The following CSMD3 variants were observed in gnomAD, a reference collection of about 807,000 sequenced individuals.
CSMD3 encodes the protein CUB and Sushi multiple domains 3, also known as CUB and sushi domain-containing protein 3.
Under a neutral mutation model 435.2 loss-of-function variants are expected in CSMD3, and 177 were observed. The observed-to-expected ratio is 0.41, with a 90% CI of 0.36 to 0.46. CSMD3 has a LOEUF of 0.46. Ranked by LOEUF, CSMD3 falls within the 20% of genes least tolerant of loss-of-function variation. CSMD3 has a pLI of 0.34. For synonymous variants in CSMD3, 1,656 were observed against 1,520.5 expected, an observed-to-expected ratio of 1.09 and a Z score of -2.07; for missense variants, 4,265 against 4,504.6, an observed-to-expected ratio of 0.95 and a Z score of 1.52.
At chr8:112,669,530 A>G (rs1400920237) in intron 16 of CSMD3, among the ~76,000 whole-genome samples, 1 of 152,162 alleles carries the variant, frequency 6.6e-6, no homozygotes, top group Non-Finnish European at 1.5e-5. Context: ...GAGCTTGTGT[A>G]TCTCCAGGTG....
At chr8:113,114,653 T>C (rs1156507800) in intron 4 of CSMD3, among the ~76,000 whole-genome samples, 1 of 152,130 alleles carries the variant, frequency 6.6e-6, no homozygotes, top group Non-Finnish European at 1.5e-5. Flanking sequence ...GGAGGACTTT[T>C]AAAAAGCATC....
chr8:113,413,878 G>A (rs1271688350), intron 1 of CSMD3, among the ~76,000 whole-genome samples: 2 of 152,126 alleles, frequency 1.3e-5, no homozygotes, highest in Non-Finnish European at 2.9e-5. Context: ...GATCGAAAGT[G>A]TTCGAATGTC....
chr8:112,769,568 T>C (rs990130203), intron 13 of CSMD3, among the ~76,000 whole-genome samples: 6 of 152,060 alleles, frequency 3.9e-5, no homozygotes, highest in Non-Finnish European at 7.4e-5. Flanking sequence ...TAGAAAAGAT[T>C]TGAATATCAT....
chr8:112,859,134 T>G lies in CSMD3; in HGVS notation c.1755+11A>C. The G allele has an allele frequency of 6.2e-7, 1 of 1,608,292 alleles. No individual in the cohort carries two copies. Among genetic ancestry groups the G allele is most frequent in the Non-Finnish European group, 8.5e-7 (1 of 1,175,296 alleles). On this transcript the variant is annotated intron_variant, in intron 11 of 70. Coordinates refer to ENST00000297405, the MANE Select transcript of CSMD3 (RefSeq NM_198123.2). ...GACTTTTTTTTTAAATCACAGATGG[T>G]GTTCTCTTACCTTATTTGTATTCAC...
chr8:112,530,998 G>A (rs1825473060), intron 27 of CSMD3, among the ~76,000 whole-genome samples: 1 of 152,136 alleles, frequency 6.6e-6, no homozygotes, highest in African/African-American at 2.4e-5. Flanking sequence ...GTGGGCTTAT[G>A]ATGCAACCCA....
intron 4 of CSMD3, among the ~76,000 whole-genome samples, chr8:113,112,474 TACACACAC>T (rs10587896): frequency 0.02 from 1,949 of 96,468 alleles, 124 homozygotes; most frequent in African/African-American, 0.071. Flanking sequence ...CACACACACG[TACACACAC>T]ACACACACAC....
intron 5 of CSMD3, among the ~76,000 whole-genome samples, chr8:113,082,909 A>G (rs2089623301): frequency 6.6e-6 from 1 of 152,162 alleles, no homozygotes; most frequent in South Asian, 2.1e-4. Context: ...AGACAAAAAA[A>G]ATTACAAGAA....
At chr8:112,294,882 T>G (rs558341572) in intron 54 of CSMD3, among the ~76,000 whole-genome samples, 8 of 152,144 alleles carry the variant, frequency 5.3e-5, no homozygotes, top group Non-Finnish European at 1.0e-4. Context: ...AACTTTTATT[T>G]ATTTTCTTTT....
chr8:112,247,057 A>G lies in CSMD3; in HGVS notation c.10185T>C (p.Pro3395=), dbSNP rs1222117767. The G allele has an allele frequency of 2.5e-6, 4 of 1,613,684 alleles. No homozygotes were observed. Among genetic ancestry groups the G allele is most frequent in the Non-Finnish European group, 3.4e-6 (4 of 1,179,778 alleles). Residue 3395 remains proline (P), a synonymous_variant, in exon 64 of 71, where the codon CCT becomes CCC. Coordinates refer to ENST00000297405, the MANE Select transcript of CSMD3 (RefSeq NM_198123.2). ...GCTGAATCCCACTCCACGTAAGATCAGGGAGGCAGGTGCGTGTTGTAGACC... is the reference window on the plus strand; with the variant it reads ...GCTGAATCCCACTCCACGTAAGATCGGGGAGGCAGGTGCGTGTTGTAGACC... ...LQGSTTRTCL[P]DLTWSGIQPE...
intron 35 of CSMD3, among the ~76,000 whole-genome samples, chr8:112,402,209 G>A (rs1446641450): frequency 6.6e-6 from 1 of 152,112 alleles, no homozygotes. Flanking sequence ...AATTTTCCAG[G>A]ATCTTATTGT....
chr8:112,864,919 A>G (rs527477260), intron 10 of CSMD3, among the ~76,000 whole-genome samples: 36 of 152,238 alleles, frequency 2.4e-4, no homozygotes, highest in South Asian at 4.1e-4. Flanking sequence ...TGCTTATTTC[A>G]TTCACATGCC....
chr8:112,965,294 A>G (rs576523783), intron 7 of CSMD3, among the ~76,000 whole-genome samples: 1 of 152,060 alleles, frequency 6.6e-6, no homozygotes, highest in East Asian at 1.9e-4. Flanking sequence ...TACACACATA[A>G]TGGTTTCATC....
chr8:112,269,039 C>T (rs558121757), intron 59 of CSMD3, among the ~76,000 whole-genome samples: 2 of 152,306 alleles, frequency 1.3e-5, no homozygotes, highest in African/African-American at 4.8e-5. Flanking sequence ...TGCCCCTGCA[C>T]TGTGACAATC....
At chr8:112,345,756 T>C (rs971335652) in intron 41 of CSMD3, among the ~76,000 whole-genome samples, 1 of 152,102 alleles carries the variant, frequency 6.6e-6, no homozygotes, top group Non-Finnish European at 1.5e-5. Flanking sequence ...AATATATTAA[T>C]TAACTTTATT....
intron 4 of CSMD3, among the ~76,000 whole-genome samples, chr8:113,136,221 G>A (rs2091415201): frequency 6.6e-6 from 1 of 151,768 alleles, no homozygotes; most frequent in East Asian, 1.9e-4. Flanking sequence ...CTGAGCCATC[G>A]CAGACAAGTA....
At chr8:112,352,591 T>C (rs1461165051) in intron 38 of CSMD3, 57 bp from the exon 39 acceptor site, 16 of 1,452,238 alleles carry the variant, frequency 1.1e-5, no homozygotes, top group Non-Finnish European at 1.3e-5. Context: ...ATGCTTAAGT[T>C]ATGCATATTA....
At chr8:112,575,151 G>T (rs1563722304) in intron 23 of CSMD3, among the ~76,000 whole-genome samples, 1 of 151,852 alleles carries the variant, frequency 6.6e-6, no homozygotes, top group Non-Finnish European at 1.5e-5. Flanking sequence ...AACTTTATTA[G>T]AATTTAATGT....
At chr8:112,538,789 C>G (rs1488058833) in intron 27 of CSMD3, 2 of 151,916 alleles carry the variant, frequency 1.3e-5, no homozygotes. Flanking sequence ...TTTACAAATT[C>G]AGAGTAATTT....
At chr8:112,342,361 T>C (rs1457045849) in intron 41 of CSMD3, among the ~76,000 whole-genome samples, 1 of 152,136 alleles carries the variant, frequency 6.6e-6, no homozygotes, top group African/African-American at 2.4e-5. Flanking sequence ...TAAAAAATGT[T>C]AATTAAAGTA....
Sources: gnomAD v4.1 joint callset for allele counts (sites outside exome capture counted in the v4.1 genomes callset) on GRCh38, gnomAD v4.1.1 for gene constraint, MANE v1.5 for transcripts, NCBI Gene and HGNC (gene_info 2026-07-23, HGNC 2026-07-21) for gene names.